KLHL22: variants seen among roughly 807,000 people sequenced by gnomAD.
The protein encoded by KLHL22 is kelch-like protein 22.
In KLHL22, 18 loss-of-function variants were observed where a neutral mutation model predicts 60.7. That is an observed-to-expected ratio of 0.30 (90% CI 0.20 to 0.44). The LOEUF (loss-of-function observed/expected upper bound fraction) is 0.44. Ranked by LOEUF, KLHL22 falls within the 20% of genes least tolerant of loss-of-function variation. The probability of loss-of-function intolerance (pLI) is 1.00; values close to 1 mark genes in which losing one functional copy is unlikely to be tolerated. For missense variants in KLHL22, 596 were observed against 852.3 expected, an observed-to-expected ratio of 0.70 and a Z score of 3.74; for synonymous variants, 355 against 354.5, an observed-to-expected ratio of 1.00 and a Z score of -0.01.
intron 4 of KLHL22, among the ~76,000 whole-genome samples, chr22:20,464,544 G>C (rs1041723717): frequency 1.3e-5 from 2 of 152,100 alleles, no homozygotes; most frequent in Non-Finnish European, 2.9e-5. Context: ...TTCCTGCTGT[G>C]GGCTCCTCTC....
chr22:20,443,277 T>C (rs1410253796), intron 6 of KLHL22, among the ~76,000 whole-genome samples: 1 of 152,106 alleles, frequency 6.6e-6, no homozygotes, highest in Non-Finnish European at 1.5e-5. Context: ...CAAAGATGTC[T>C]AGTTCCTAAT....
intron 2 of KLHL22, among the ~76,000 whole-genome samples, chr22:20,472,081 T>C (rs2053335455): frequency 6.6e-6 from 1 of 151,614 alleles, no homozygotes; most frequent in Non-Finnish European, 1.5e-5. Context: ...ACCGCGTCTC[T>C]ACTAAAAATA....
At chr22:20,466,288 C>T (rs1343517213) in intron 3 of KLHL22, among the ~76,000 whole-genome samples, 1 of 147,498 alleles carries the variant, frequency 6.8e-6, no homozygotes, top group African/African-American at 2.5e-5. Context: ...GCAGGAGAAT[C>T]GCTGGAACCC....
intron 2 of KLHL22, among the ~76,000 whole-genome samples, chr22:20,479,600 G>A (rs1212279179): frequency 4.6e-5 from 7 of 152,126 alleles, no homozygotes; most frequent in African/African-American, 1.2e-4. Flanking sequence ...CCAGCTACTT[G>A]GGAGGCTGAG....
intron 5 of KLHL22, among the ~76,000 whole-genome samples, chr22:20,454,757 T>TA (rs1322421036): frequency 6.6e-6 from 1 of 152,228 alleles, no homozygotes; most frequent in Non-Finnish European, 1.5e-5. Flanking sequence ...CTGACATTCT[T>TA]ACTATTCTTA....
At chr22:20,447,575 G>A (rs1213527582) in intron 5 of KLHL22, among the ~76,000 whole-genome samples, 2 of 141,292 alleles carry the variant, frequency 1.4e-5, no homozygotes, top group South Asian at 2.3e-4. Context: ...ACGGAGTCTC[G>A]CTCTGTCACC....
rs759751840 is a variant in KLHL22, at chr22:20,445,414, G to A, written c.1539+1029C>T. ...GTAGAGATGGAGTTTCACCATCTTG[G>A]CCAAGCTGGTCTTGAACTCCTGACC... is the stretch of plus-strand genomic sequence containing the variant. On this transcript the variant is annotated intron_variant, in intron 6 of 6. Transcript: ENST00000328879. Among the ~76,000 whole-genome samples, 53 of 151,902 alleles carry A rather than the reference G, an allele frequency of 3.5e-4. 1 individual carries two copies. Among genetic ancestry groups the A allele is most frequent in the Non-Finnish European group, 5.9e-5 (4 of 68,002 alleles).
chr22:20,472,996 TGG>T (rs945395244), intron 2 of KLHL22, among the ~76,000 whole-genome samples: 4 of 151,960 alleles, frequency 2.6e-5, no homozygotes, highest in African/African-American at 9.7e-5. Context: ...GAGCAGAAAG[TGG>T]GATGGGCAGG....
At chr22:20,474,729 T>C (rs1186634202) in intron 2 of KLHL22, among the ~76,000 whole-genome samples, 2 of 152,248 alleles carry the variant, frequency 1.3e-5, no homozygotes, top group African/African-American at 4.8e-5. Flanking sequence ...TACAGGGGTA[T>C]ATTTAGGTTA....
At chr22:20,443,020 A>G (rs2052789056) in intron 6 of KLHL22, among the ~76,000 whole-genome samples, 1 of 152,246 alleles carries the variant, frequency 6.6e-6, no homozygotes, top group Admixed American at 6.5e-5. Context: ...TGTTCAACCT[A>G]CTAGTAATTC....
Position 20,465,137 on chromosome 22 carries a change from C to G in KLHL22, c.833G>C (p.Arg278Pro). Residue 278 changes from arginine (R) to proline (P), a missense_variant, in exon 4 of 7, where the codon CGG becomes CCG. Transcript: ENST00000328879. The surrounding 1 kb of genome is among the most constrained non-coding windows in gnomAD (Gnocchi z 4.9). ...DTVASALMYH[R>P]NESLQPSLQS... ...CAGGCTGGGCTGTAGGCTCTCGTTC[C>G]GGTGGTACATGAGGGCGCTGGCCAC... The G allele has an allele frequency of 6.2e-7, 1 of 1,613,876 alleles. No individual in the cohort carries two copies. Among genetic ancestry groups the G allele is most frequent in the Non-Finnish European group, 8.5e-7 (1 of 1,180,010 alleles).
intron 5 of KLHL22, among the ~76,000 whole-genome samples, chr22:20,448,246 C>T (rs1225818904): frequency 2.0e-5 from 3 of 152,194 alleles, no homozygotes; most frequent in Non-Finnish European, 4.4e-5. Flanking sequence ...CCTCCAAAAT[C>T]TGAGACTTTT....
intron 5 of KLHL22, among the ~76,000 whole-genome samples, chr22:20,447,795 C>T (rs900671180): frequency 1.3e-5 from 2 of 152,208 alleles, no homozygotes; most frequent in African/African-American, 4.8e-5. Flanking sequence ...CCTGCCTCGG[C>T]CTTCCAAAGT....
chr22:20,485,697 G>A lies in KLHL22; in HGVS notation c.227+3288C>T, dbSNP rs367932567. On this transcript the variant is annotated intron_variant, in intron 2 of 6. Coordinates refer to ENST00000328879, the MANE Select transcript of KLHL22 (RefSeq NM_032775.4). ...AGCCTGGCCAACATGGCAAAACCCC[G>A]CCTCTACTAAAAATACAAAAATTAG... Among the ~76,000 whole-genome samples, 65 of 151,940 alleles carry A rather than the reference G, an allele frequency of 4.3e-4. 2 individuals carry two copies. The South Asian group carries it at 0.013, about 31-fold the overall frequency.
At chr22:20,454,063 T>G (rs2053024294) in intron 5 of KLHL22, among the ~76,000 whole-genome samples, 1 of 152,220 alleles carries the variant, frequency 6.6e-6, no homozygotes, top group Non-Finnish European at 1.5e-5. Context: ...CTGGATGTGA[T>G]GGCTCACTTC....
At chr22:20,470,580 T>C (rs2053298743) in intron 3 of KLHL22, among the ~76,000 whole-genome samples, 1 of 152,088 alleles carries the variant, frequency 6.6e-6, no homozygotes, top group South Asian at 2.1e-4. Flanking sequence ...GCCCAGGAGG[T>C]TGAGGCTGCA....
chr22:20,442,679 C>T (rs996703279), intron 6 of KLHL22, among the ~76,000 whole-genome samples: 1 of 152,236 alleles, frequency 6.6e-6, no homozygotes, highest in African/African-American at 2.4e-5. Context: ...TAGAATGATC[C>T]TATTCTCTCT....
chr22:20,468,222 C>T (rs917099468), intron 3 of KLHL22, among the ~76,000 whole-genome samples: 89 of 152,186 alleles, frequency 5.8e-4, no homozygotes, highest in African/African-American at 2.1e-3. Context: ...TCTGGTTTGT[C>T]ATGGGCCAGG....
At chr22:20,456,969 T>A (rs1423967512) in intron 5 of KLHL22, among the ~76,000 whole-genome samples, 1 of 152,130 alleles carries the variant, frequency 6.6e-6, no homozygotes, top group African/African-American at 2.4e-5. Flanking sequence ...CCCAAAGGTG[T>A]ACCTGGCCCA....
Sources: gnomAD v4.1 joint callset for allele counts (sites outside exome capture counted in the v4.1 genomes callset) on GRCh38, gnomAD v4.1.1 for gene constraint, Gnocchi (gnomAD v3.1) non-coding constraint, MANE v1.5 for transcripts, NCBI Gene and HGNC (gene_info 2026-07-23, HGNC 2026-07-21) for gene names.